CNTN5: variants seen among roughly 807,000 people sequenced by gnomAD.
The protein encoded by CNTN5 is contactin 5, also known as contactin-5.
In CNTN5, 77 loss-of-function variants were observed where a neutral mutation model predicts 129.1. The ratio of observed to expected loss-of-function variants is 0.60; its 90% CI spans 0.50 to 0.72. The LOEUF (loss-of-function observed/expected upper bound fraction) is 0.72, where lower values mean the gene tolerates loss of function less well. Ranked by LOEUF, CNTN5 falls within the 30% of genes least tolerant of loss-of-function variation. The pLI is 0.00. For synonymous variants in CNTN5, 509 were observed against 465.6 expected (o/e 1.09, Z -1.20); for missense variants, 1,478 against 1,328.8 (o/e 1.11, Z -1.75).
intron 3 of CNTN5, among the ~76,000 whole-genome samples, chr11:99,653,542 C>A (rs1011525101): frequency 9.2e-5 from 14 of 151,962 alleles, no homozygotes; most frequent in Admixed American, 8.5e-4. Flanking sequence ...GCTAGGAAAA[C>A]GGAAGTCCTC....
intron 3 of CNTN5, among the ~76,000 whole-genome samples, chr11:99,747,588 C>T (rs1761088786): frequency 6.6e-6 from 1 of 151,576 alleles, no homozygotes; most frequent in South Asian, 2.1e-4. Flanking sequence ...GACTCAGCCT[C>T]CCTCTCGAGT....
In CNTN5 at chr11:99,081,808, C is replaced by G. The variant is rs140229157; in HGVS notation, c.-210+60538C>G. On this transcript the variant is annotated intron_variant, in intron 1 of 24. Coordinates refer to ENST00000524871, the MANE Select transcript of CNTN5 (RefSeq NM_014361.4). ...TTGAATATTTTGTTAGATTAGCAGG[C>G]AGGTAGGGATCTTATCAATTATTAA... 8.3e-4 allele frequency among the ~76,000 whole-genome samples: 126 copies of G among 152,132 alleles called. 3 individuals are homozygous for G. The East Asian group carries it at 0.019, about 23-fold the overall frequency.
chr11:99,308,646 C>G (rs544996120), intron 1 of CNTN5, among the ~76,000 whole-genome samples: 33 of 152,248 alleles, frequency 2.2e-4, no homozygotes, highest in African/African-American at 7.7e-4. Context: ...TTACTATAAG[C>G]TTTCAGGAAA....
intron 3 of CNTN5, among the ~76,000 whole-genome samples, chr11:99,681,290 C>A (rs919117225): frequency 6.6e-6 from 1 of 152,062 alleles, no homozygotes; most frequent in African/African-American, 2.4e-5. Context: ...AGATGCCTTA[C>A]AGTGAGTAAA....
chr11:99,857,560 ATAAC>A (rs1213634104), intron 6 of CNTN5, among the ~76,000 whole-genome samples: 1 of 152,200 alleles, frequency 6.6e-6, no homozygotes, highest in East Asian at 1.9e-4. Context: ...ATGAATATTA[ATAAC>A]TATGTTGAAT....
At chr11:99,548,400 A>G (rs1397615255) in intron 2 of CNTN5, among the ~76,000 whole-genome samples, 1 of 152,244 alleles carries the variant, frequency 6.6e-6, no homozygotes, top group African/African-American at 2.4e-5. Flanking sequence ...GGCTGAACAT[A>G]AAAGCAAAGT....
intron 2 of CNTN5, among the ~76,000 whole-genome samples, chr11:99,357,982 C>A (rs865922298): frequency 6.8e-6 from 1 of 146,568 alleles, no homozygotes; most frequent in Non-Finnish European, 1.5e-5. Context: ...CCAGCCTGGG[C>A]GAGAGAGGGA....
intron 3 of CNTN5, among the ~76,000 whole-genome samples, chr11:99,585,115 T>G (rs192185667): frequency 3.3e-5 from 5 of 152,286 alleles, no homozygotes; most frequent in African/African-American, 1.2e-4. Flanking sequence ...TGTTACAAAA[T>G]CACACATGGA....
intron 1 of CNTN5, among the ~76,000 whole-genome samples, chr11:99,113,116 T>C (rs1179866261): frequency 6.6e-6 from 1 of 151,992 alleles, no homozygotes; most frequent in East Asian, 1.9e-4. Flanking sequence ...CTTTTAAAAA[T>C]ACATACACAC....
chr11:99,705,316 A>T (rs1057262053), intron 3 of CNTN5, among the ~76,000 whole-genome samples: 1 of 151,308 alleles, frequency 6.6e-6, no homozygotes, highest in African/African-American at 2.4e-5. Context: ...CTCTAAGAAG[A>T]GTTACTGAAA....
intron 6 of CNTN5, among the ~76,000 whole-genome samples, chr11:99,899,610 TG>T (rs1365704284): frequency 6.6e-6 from 1 of 152,082 alleles, no homozygotes; most frequent in East Asian, 1.9e-4. Context: ...TATGATGTAT[TG>T]TTGGATTCAG....
intron 9 of CNTN5, among the ~76,000 whole-genome samples, chr11:100,024,571 T>A (rs912047066): frequency 6.6e-6 from 1 of 152,144 alleles, no homozygotes; most frequent in South Asian, 2.1e-4. Flanking sequence ...CAGAGACTTA[T>A]TGAATGGCTT....
chr11:99,701,464 C>T (rs1954516602), intron 3 of CNTN5, among the ~76,000 whole-genome samples: 1 of 150,892 alleles, frequency 6.6e-6, no homozygotes, highest in African/African-American at 2.4e-5. Context: ...CTGACTTATT[C>T]CCAAATATCC....
chr11:99,263,824 A>T (rs1376784418), intron 1 of CNTN5, among the ~76,000 whole-genome samples: 3 of 151,764 alleles, frequency 2.0e-5, no homozygotes, highest in Admixed American at 2.0e-4. Flanking sequence ...TTCTTACCAT[A>T]TTACCCTGAT....
chr11:100,070,376 G>A, intron 10 of CNTN5, 48 bp from the exon 11 acceptor site: 1 of 1,559,102 alleles, frequency 6.4e-7, no homozygotes, highest in Non-Finnish European at 8.7e-7. Flanking sequence ...ACTTGGTAAA[G>A]CGTTTGAGAA....
intron 16 of CNTN5, among the ~76,000 whole-genome samples, chr11:100,254,016 C>T (rs1201780760): frequency 1.3e-5 from 2 of 152,024 alleles, no homozygotes; most frequent in Non-Finnish European, 2.9e-5. Flanking sequence ...GACTTGACTC[C>T]ATGGTTACCC....
intron 17 of CNTN5, among the ~76,000 whole-genome samples, chr11:100,268,035 T>G (rs1355353818): frequency 6.6e-6 from 1 of 152,120 alleles, no homozygotes; most frequent in Non-Finnish European, 1.5e-5. Flanking sequence ...GTAAACAGTA[T>G]GAGAGAAAAA....
intron 13 of CNTN5, among the ~76,000 whole-genome samples, chr11:100,086,746 A>G (rs937148175): frequency 6.6e-6 from 1 of 151,600 alleles, no homozygotes; most frequent in Admixed American, 6.6e-5. Context: ...ATCATATAAT[A>G]TTAACCCCCC....
intron 3 of CNTN5, among the ~76,000 whole-genome samples, chr11:99,734,018 T>C (rs1397531875): frequency 6.6e-6 from 1 of 152,162 alleles, no homozygotes; most frequent in Non-Finnish European, 1.5e-5. Context: ...ATAGGCTTCT[T>C]ACTGTGGTCA....
Sources: gnomAD v4.1 joint callset for allele counts (sites outside exome capture counted in the v4.1 genomes callset) on GRCh38, gnomAD v4.1.1 for gene constraint, MANE v1.5 for transcripts, NCBI Gene and HGNC (gene_info 2026-07-23, HGNC 2026-07-21) for gene names.